The following KALRN variants were observed in gnomAD, a reference collection of about 807,000 sequenced individuals.
KALRN encodes kalirin RhoGEF kinase, also known as kalirin.
A neutral mutation model predicts 353.7 loss-of-function variants in KALRN; 70 were observed. That is an observed-to-expected ratio of 0.20 (90% CI 0.16 to 0.24). The LOEUF (loss-of-function observed/expected upper bound fraction) is 0.24, where lower values mean the gene tolerates loss of function less well. Among genes scored for constraint, KALRN ranks in the 10% least tolerant of loss-of-function variants. The pLI is 1.00. For synonymous variants in KALRN, 1,391 were observed against 1,434.8 expected (o/e 0.97, Z 0.69); for missense variants, 2,791 against 3,756.7 (o/e 0.74, Z 6.72).
chr3:124,468,305 G>T (rs984325688), intron 25 of KALRN, among the ~76,000 whole-genome samples: 2 of 152,058 alleles, frequency 1.3e-5, no homozygotes, highest in African/African-American at 4.8e-5. Flanking sequence ...AATTCTGGTT[G>T]CCACCCATAA....
At chr3:124,442,398 C>A (rs552070089) in intron 19 of KALRN, among the ~76,000 whole-genome samples, 2 of 152,258 alleles carry the variant, frequency 1.3e-5, no homozygotes, top group South Asian at 4.2e-4. Flanking sequence ...AACTAAGGAA[C>A]TAAATTTTAA....
chr3:124,379,435 T>A (rs1165278714), intron 10 of KALRN, among the ~76,000 whole-genome samples: 2 of 152,090 alleles, frequency 1.3e-5, no homozygotes, highest in Non-Finnish European at 2.9e-5. Flanking sequence ...ACATCGTGAG[T>A]TTTACCTTGT....
chr3:124,347,320 G>GTGTGTC lies in KALRN; in HGVS notation c.1770+56_1770+57insGTGTCT, dbSNP rs1361569918. ...TGTGTGTGTGTGTGTGTGTGTGTGT[G>GTGTGTC]TCTAGATGAGGGAGGCATGATGACT... On this transcript the variant is annotated intron_variant, in intron 10 of 59. Coordinates refer to ENST00000682506, the MANE Select transcript of KALRN (RefSeq NM_001388419.1). 5 of 1,515,362 alleles carry GTGTGTC rather than the reference G, an allele frequency of 3.3e-6. No individual in the cohort carries two copies. In the Admixed American group the frequency reaches 7.2e-5, roughly 22 times the overall value. 93.9% of individuals were successfully genotyped at this position (1,515,362 alleles called of 1,614,324 possible).
chr3:124,643,584 C>CA (rs1433396616), intron 37 of KALRN, among the ~76,000 whole-genome samples: 2 of 152,142 alleles, frequency 1.3e-5, no homozygotes, highest in African/African-American at 4.8e-5. Context: ...TGGGCTCAAG[C>CA]AATCTTTTCA....
chr3:124,309,177 C>G (rs1244803144), intron 6 of KALRN, among the ~76,000 whole-genome samples: 1 of 151,834 alleles, frequency 6.6e-6, no homozygotes, highest in African/African-American at 2.4e-5. Context: ...AAGAAAAGCC[C>G]AGGCCCAGAT....
At chr3:124,621,528 G>C (rs2079269759) in intron 34 of KALRN, among the ~76,000 whole-genome samples, 1 of 152,212 alleles carries the variant, frequency 6.6e-6, no homozygotes, top group Non-Finnish European at 1.5e-5. Flanking sequence ...GGAATATTCT[G>C]AGCCAAGATG....
chr3:124,387,992 G>T (rs1186026646), intron 11 of KALRN, among the ~76,000 whole-genome samples: 1 of 151,912 alleles, frequency 6.6e-6, no homozygotes, highest in Non-Finnish European at 1.5e-5. Context: ...AGGTGTGTGT[G>T]TATGTATACA....
intron 1 of KALRN, among the ~76,000 whole-genome samples, chr3:124,132,009 G>A (rs1337834425): frequency 6.6e-6 from 1 of 152,058 alleles, no homozygotes; most frequent in Admixed American, 6.6e-5. Flanking sequence ...GTATTATATG[G>A]TCAGTTTTAA....
chr3:124,700,116 C>T (rs1489979294), intron 56 of KALRN, 83 bp downstream of exon 56: 2 of 1,342,004 alleles, frequency 1.5e-6, no homozygotes, highest in Non-Finnish European at 2.1e-6. Context: ...GGCACGTTGA[C>T]ATGTCAGGCC....
chr3:124,120,170 C>T (rs974285500), intron 1 of KALRN, among the ~76,000 whole-genome samples: 5 of 152,172 alleles, frequency 3.3e-5, no homozygotes, highest in African/African-American at 9.7e-5. Context: ...GATACCCAGG[C>T]CTTCCTGGAC....
At chr3:124,335,729 T>C (rs1201166110) in intron 9 of KALRN, among the ~76,000 whole-genome samples, 2 of 152,202 alleles carry the variant, frequency 1.3e-5, no homozygotes, top group Admixed American at 1.3e-4. Flanking sequence ...TTCAAACACC[T>C]GTTTGACTTT....
At chr3:124,523,348 A>G (rs529292436) in intron 33 of KALRN, among the ~76,000 whole-genome samples, 13 of 152,328 alleles carry the variant, frequency 8.5e-5, no homozygotes, top group African/African-American at 3.1e-4. Context: ...TATTCATATA[A>G]GTGATTAACT....
intron 1 of KALRN, among the ~76,000 whole-genome samples, chr3:124,155,994 G>T (rs1227529467): frequency 1.3e-5 from 2 of 152,142 alleles, no homozygotes; most frequent in Admixed American, 6.5e-5. Flanking sequence ...ATAAGACAGG[G>T]TCTCCTTAGA....
At chr3:124,539,180 CT>C (rs2068783404) in intron 33 of KALRN, among the ~76,000 whole-genome samples, 1 of 152,168 alleles carries the variant, frequency 6.6e-6, no homozygotes, top group Non-Finnish European at 1.5e-5. Context: ...TCAGGAAATG[CT>C]CTAAAATGGG....
chr3:124,474,764 C>T (rs371247165), intron 26 of KALRN, 32 bp downstream of exon 26: 17 of 1,528,722 alleles, frequency 1.1e-5, no homozygotes, highest in African/African-American at 6.8e-5. Context: ...TCCCACTGCC[C>T]ATACACATGG....
In KALRN at chr3:124,234,979, A is replaced by G. The variant is rs1036150771; in HGVS notation, c.263+36A>G. 5.4e-6 allele frequency: 8 copies of G among 1,494,932 alleles called. No individual in the cohort carries two copies. The African/African-American group carries it at 1.1e-4, about 21-fold the overall frequency. 92.6% of individuals were successfully genotyped at this position (1,494,932 alleles called of 1,614,324 possible). A position where few individuals can be genotyped will look rare whatever the true frequency, so the allele number is the denominator to read the frequency against. On this transcript the variant is annotated intron_variant, in intron 3 of 59. Transcript: ENST00000682506. ...GGGGAATGGCCTGCAGGGGAGCGGG[A>G]GGGGAGCTGGGCTGATGCCAGTTTT... is the stretch of plus-strand genomic sequence containing the variant.
At chr3:124,474,509 G>A (rs529611953) in intron 25 of KALRN, among the ~76,000 whole-genome samples, 154 bp from the exon 26 acceptor site, 5 of 152,162 alleles carry the variant, frequency 3.3e-5, no homozygotes, top group African/African-American at 1.2e-4. Flanking sequence ...AATTAGTTCC[G>A]ACATTAAAAA....
intron 30 of KALRN, 135 bp from the exon 31 acceptor site, chr3:124,491,188 A>T (rs2063126181): frequency 3.2e-5 from 19 of 595,412 alleles, no homozygotes; most frequent in Non-Finnish European, 5.5e-5. Context: ...AGAATATCCA[A>T]TCTGTTAAAG....
intron 29 of KALRN, among the ~76,000 whole-genome samples, chr3:124,489,736 C>G (rs946760800): frequency 3.3e-5 from 5 of 152,206 alleles, no homozygotes; most frequent in African/African-American, 4.8e-5. Context: ...GCAGCAGCAA[C>G]AGCACCTGGG....
Sources: gnomAD v4.1 joint callset for allele counts (sites outside exome capture counted in the v4.1 genomes callset) on GRCh38, gnomAD v4.1.1 for gene constraint, MANE v1.5 for transcripts, NCBI Gene and HGNC (gene_info 2026-07-23, HGNC 2026-07-21) for gene names.